Variants in SH3D19 observed in about 807,000 individuals in gnomAD.
SH3D19 encodes SH3 domain-containing protein 19.
A neutral mutation model predicts 112.1 loss-of-function variants in SH3D19; 58 were observed. The observed-to-expected ratio is 0.52, with a 90% CI of 0.42 to 0.64. The LOEUF (loss-of-function observed/expected upper bound fraction) is 0.64, where lower values mean the gene tolerates loss of function less well. Among genes scored for constraint, SH3D19 ranks in the 30% least tolerant of loss-of-function variants. The pLI, the probability that SH3D19 is intolerant of heterozygous loss-of-function variation, is 0.00. For missense variants in SH3D19, 1,090 were observed against 1,263.4 expected (o/e 0.86, Z 2.08); for synonymous variants, 391 against 448.5 (o/e 0.87, Z 1.62).
chr4:151,236,703 T>G (rs898431444), intron 1 of SH3D19, among the ~76,000 whole-genome samples: 1 of 151,890 alleles, frequency 6.6e-6, no homozygotes, highest in Non-Finnish European at 1.5e-5. Flanking sequence ...AAAGGTTTTG[T>G]AAATGTACCA....
chr4:151,242,622 G>C (rs1770651630), intron 1 of SH3D19, among the ~76,000 whole-genome samples: 1 of 152,158 alleles, frequency 6.6e-6, no homozygotes, highest in Admixed American at 6.6e-5. Context: ...TAGGAGTTTT[G>C]CTTGTAAAAA....
chr4:151,279,778 T>C, intron 1 of SH3D19: 3 of 1,612,778 alleles, frequency 1.9e-6, no homozygotes, highest in East Asian at 2.2e-5. Flanking sequence ...CACATTTCCC[T>C]TTCTTCTCTT....
intron 19 of SH3D19, among the ~76,000 whole-genome samples, chr4:151,122,631 A>C (rs1335422141): frequency 6.6e-6 from 1 of 152,170 alleles, no homozygotes; most frequent in Non-Finnish European, 1.5e-5. Flanking sequence ...ATAAACTGGC[A>C]GAAGAGGACA....
chr4:151,225,409 A>G (rs1046423055), intron 2 of SH3D19, among the ~76,000 whole-genome samples: 2 of 152,224 alleles, frequency 1.3e-5, no homozygotes, highest in Non-Finnish European at 2.9e-5. Flanking sequence ...GGATTTTTTA[A>G]TGTACTCTTC....
chr4:151,287,006 TA>T (rs1345759285), intron 1 of SH3D19, among the ~76,000 whole-genome samples: 1 of 148,344 alleles, frequency 6.7e-6, no homozygotes, highest in Non-Finnish European at 1.5e-5. Context: ...ATAATAATAA[TA>T]ATAGTAATTA....
intron 1 of SH3D19, among the ~76,000 whole-genome samples, chr4:151,304,416 A>T (rs969563055): frequency 1.3e-5 from 2 of 152,136 alleles, no homozygotes; most frequent in African/African-American, 4.8e-5. Flanking sequence ...GAACCTTAAA[A>T]ATGTTAGCCT....
At chr4:151,257,365 G>A (rs1253887937) in intron 1 of SH3D19, among the ~76,000 whole-genome samples, 3 of 152,140 alleles carry the variant, frequency 2.0e-5, no homozygotes, top group African/African-American at 7.2e-5. Context: ...TGGGATTACA[G>A]GAGTGAGTCA....
intron 2 of SH3D19, among the ~76,000 whole-genome samples, chr4:151,213,671 A>ATTT (rs1554055367): frequency 0.64 from 94,867 of 147,720 alleles, 33,627 homozygotes; most frequent in Non-Finnish European, 0.78. Context: ...AATATGAATT[A>ATTT]ATTAATTAAT....
intron 2 of SH3D19, among the ~76,000 whole-genome samples, chr4:151,214,667 G>T (rs1345339779): frequency 9.0e-6 from 1 of 111,668 alleles, no homozygotes; most frequent in Admixed American, 8.5e-5. Context: ...CGGAAGGGGC[G>T]GCTGGCCGGG....
intron 1 of SH3D19, among the ~76,000 whole-genome samples, chr4:151,274,049 C>A (rs1370328320): frequency 6.6e-6 from 1 of 151,764 alleles, no homozygotes; most frequent in Non-Finnish European, 1.5e-5. Flanking sequence ...ATGCATAAAC[C>A]ACAAAAACAA....
At chr4:151,211,661 G>A (rs1765998255) in intron 2 of SH3D19, among the ~76,000 whole-genome samples, 2 of 151,820 alleles carry the variant, frequency 1.3e-5, no homozygotes, top group East Asian at 1.9e-4. Context: ...AAACAGCCTT[G>A]TTGCTGATAT....
chr4:151,242,272 A>G (rs921389087), intron 1 of SH3D19, among the ~76,000 whole-genome samples: 2 of 152,236 alleles, frequency 1.3e-5, no homozygotes, highest in African/African-American at 4.8e-5. Context: ...TACAAATTTC[A>G]TATACTGGCT....
chr4:151,252,067 C>G (rs1771456499), intron 1 of SH3D19, among the ~76,000 whole-genome samples: 1 of 152,328 alleles, frequency 6.6e-6, no homozygotes, highest in Middle Eastern at 3.4e-3. Context: ...GTGTTCCAAT[C>G]TAAGCATTCT....
chr4:151,170,179 T>C (rs1182934787), intron 7 of SH3D19, among the ~76,000 whole-genome samples: 1 of 152,230 alleles, frequency 6.6e-6, no homozygotes, highest in Non-Finnish European at 1.5e-5. Flanking sequence ...TTTGTTCACA[T>C]TGGTTACCGT....
At chr4:151,184,877 G>C (rs1761498139) in intron 3 of SH3D19, among the ~76,000 whole-genome samples, 1 of 152,024 alleles carries the variant, frequency 6.6e-6, no homozygotes, top group Non-Finnish European at 1.5e-5. Context: ...AATATTTACT[G>C]AAACTGCTCT....
chr4:151,300,827 G>A (rs937147410), intron 1 of SH3D19, among the ~76,000 whole-genome samples: 21 of 152,198 alleles, frequency 1.4e-4, no homozygotes, highest in African/African-American at 5.1e-4. Context: ...AGAGGTACCT[G>A]GAACAGGACA....
chr4:151,149,337 T>G (rs1184414966), intron 10 of SH3D19, among the ~76,000 whole-genome samples, 163 bp downstream of exon 10: 1 of 152,150 alleles, frequency 6.6e-6, no homozygotes, highest in African/African-American at 2.4e-5. Flanking sequence ...TCCCACAACC[T>G]ACCATTAGGA....
At position 151,148,047 on chromosome 4, in the gene SH3D19, G is replaced by A. The variant is rs867040485; in HGVS notation, c.1957C>T (p.Leu653Phe). 2 of 1,614,086 alleles carry A rather than the reference G, an allele frequency of 1.2e-6. No homozygotes were observed. The highest frequency in any genetic ancestry group is 1.7e-6 in the Non-Finnish European group (2 of 1,180,010). The change falls in exon 11 of 20, where the codon CTT becomes TTT. Residue 653 changes from leucine to phenylalanine, a missense_variant. Physicochemically the swap from Leu to Phe is conservative, Grantham distance 22. Transcript: ENST00000604030. ...GCCAAGTTACTTTGTTTTTTCTGAA[G>A]ATCCATGTCAGAAGAGGATCGATTA... Reference protein sequence around the residue: ...PFNRSSSDMDLQKKQSNLATG... With the variant: ...PFNRSSSDMDFQKKQSNLATG...
chr4:151,131,869 G>A (rs1750803455), intron 17 of SH3D19, among the ~76,000 whole-genome samples: 1 of 151,844 alleles, frequency 6.6e-6, no homozygotes, highest in Non-Finnish European at 1.5e-5. Flanking sequence ...CTGCCACCCA[G>A]GCTGGAATGC....
Sources: gnomAD v4.1 joint callset for allele counts (sites outside exome capture counted in the v4.1 genomes callset) on GRCh38, gnomAD v4.1.1 for gene constraint, MANE v1.5 for transcripts, NCBI Gene and HGNC (gene_info 2026-07-23, HGNC 2026-07-21) for gene names.